The following TTN variants were observed in gnomAD, a reference collection of about 807,000 sequenced individuals.
TTN encodes the protein titin, also known as connectin.
A neutral mutation model predicts 3,223.0 loss-of-function variants in TTN; 1,525 were observed. The observed-to-expected ratio is 0.47, with a 90% CI of 0.45 to 0.49. The LOEUF (loss-of-function observed/expected upper bound fraction) is 0.49. Among genes scored for constraint, TTN ranks in the 20% least tolerant of loss-of-function variants. TTN has a pLI of 0.00. For synonymous variants in TTN, 14,094 were observed against 15,161.0 expected, an observed-to-expected ratio of 0.93 and a Z score of 5.17; for missense variants, 40,786 against 43,424.0, an observed-to-expected ratio of 0.94 and a Z score of 5.40.
At chr2:178,538,059 G>T in intron 354 of TTN, 142 bp from the exon 355 acceptor site, 1 of 814,364 alleles carries the variant, frequency 1.2e-6, no homozygotes, top group Non-Finnish European at 1.9e-6. Flanking sequence ...AAAACTCTTT[G>T]AAGTGATTTT....
At position 178,715,083 on chromosome 2, in the gene TTN, G is replaced by A. The variant is rs908525686; in HGVS notation, c.26103C>T (p.His8701=). Reference sequence around the variant, plus strand: ...TGTCTGCAGCATCGACATTCAGGATGTGGATACTGGTTAGGAAGTTCTCAG... The same window carrying A: ...TGTCTGCAGCATCGACATTCAGGATATGGATACTGGTTAGGAAGTTCTCAG... The part of the protein sequence containing the change: ...IMSENFLTSI[H]ILNVDAADIG... The change falls in exon 90 of 363, where the codon CAC becomes CAT. Residue 8701 remains histidine (H), a synonymous_variant. Coordinates refer to ENST00000589042, the MANE Select transcript of TTN (RefSeq NM_001267550.2). The A allele has an allele frequency of 3.7e-6, 6 of 1,613,734 alleles. No individual in the cohort carries two copies. Among genetic ancestry groups the A allele is most frequent in the Non-Finnish European group, 5.1e-6 (6 of 1,179,710 alleles).
intron 13 of TTN, 103 bp from the exon 14 acceptor site, chr2:178,786,244 G>C: frequency 8.4e-7 from 1 of 1,191,984 alleles, no homozygotes. Context: ...TTATACAGCA[G>C]TGTTAACGTG....
chr2:178,617,815 C>T lies in TTN; in HGVS notation c.47536G>A (p.Ala15846Thr), dbSNP rs770548430. 2 of 1,612,288 alleles carry T rather than the reference C, an allele frequency of 1.2e-6. No homozygotes were observed. The highest frequency in any genetic ancestry group is 1.7e-6 in the Non-Finnish European group (2 of 1,179,020). The change falls in exon 253 of 363, where the codon GCA becomes ACA. Residue 15846 changes from alanine to threonine, a missense_variant. Ala to Thr is a moderately conservative substitution (Grantham distance 58). Coordinates refer to ENST00000589042, the MANE Select transcript of TTN (RefSeq NM_001267550.2). ...GCAACTTTGACGAAGGGTGTGGCTG[C>T]ACTTGGTTTTCCAACTCCAATTCGA... ...QNRIGVGKPS[A>T]ATPFVKVADP...
Position 178,566,756 on chromosome 2 carries a change from A to C in TTN, c.79376T>G (p.Phe26459Cys). The C allele has an allele frequency of 2.5e-6, 4 of 1,613,390 alleles. No homozygotes were observed. Among genetic ancestry groups the C allele is most frequent in the Non-Finnish European group, 3.4e-6 (4 of 1,179,680 alleles). The change falls in exon 326 of 363, where the codon TTC (phenylalanine) becomes TGC (cysteine). Residue 26459 changes from phenylalanine (F) to cysteine (C), a missense_variant. Transcript: ENST00000589042. ...TGLTEDHEYE[F>C]RVSAENAAGV... is the part of the protein sequence containing the mutation. ...AGCAGCATTTTCTGCAGAGACCCTG[A>C]ATTCATACTCATGATCTTCTGTTAA...
intron 43 of TTN, chr2:178,760,951 G>A (rs1319685819): frequency 6.6e-6 from 1 of 151,614 alleles, no homozygotes; most frequent in African/African-American, 2.4e-5. Context: ...TTCTTCCTTT[G>A]GTGAACTGAA....
intron 132 of TTN, 58 bp from the exon 133 acceptor site, chr2:178,684,140 C>G: frequency 6.3e-7 from 1 of 1,582,730 alleles, no homozygotes; most frequent in Non-Finnish European, 8.6e-7. Flanking sequence ...CACAAAAAGG[C>G]AGCCATAAAG....
chr2:178,677,761 A>G lies in TTN; in HGVS notation c.34151T>C (p.Val11384Ala), dbSNP rs747924442. 2.5e-6 allele frequency: 4 copies of G among 1,608,720 alleles called. No individual in the cohort carries two copies. The highest frequency in any genetic ancestry group is 4.5e-5 in the East Asian group (2 of 44,770). Residue 11384 changes from valine to alanine, a missense_variant, in exon 146 of 363, where the codon GTT becomes GCT. Val to Ala is a moderately conservative substitution (Grantham distance 64, BLOSUM62 0). Coordinates refer to ENST00000589042, the MANE Select transcript of TTN (RefSeq NM_001267550.2). Reference protein sequence around the residue: ...EEEVLPEEEEVLPEEEEIPPE... With the variant: ...EEEVLPEEEEALPEEEEIPPE... ...TGGAATTTCCTCTTCTTCAGGTAGA[A>G]CTTCCTCTTCTTCAGGTAGAACTTC...
chr2:178,785,213 G>A (rs2093086185), intron 15 of TTN, among the ~76,000 whole-genome samples: 1 of 152,114 alleles, frequency 6.6e-6, no homozygotes, highest in Admixed American at 6.5e-5. Flanking sequence ...CTCAATGTCT[G>A]TCTTTATTAT....
At chr2:178,606,809 C>A (rs2054989654) in intron 278 of TTN, among the ~76,000 whole-genome samples, 1 of 151,872 alleles carries the variant, frequency 6.6e-6, no homozygotes, top group African/African-American at 2.4e-5. Flanking sequence ...AGAAACCATG[C>A]ATGATTAATA....
chr2:178,616,279 G>A (rs2057326004), intron 257 of TTN, among the ~76,000 whole-genome samples, 200 bp downstream of exon 257: 1 of 151,598 alleles, frequency 6.6e-6, no homozygotes, highest in African/African-American at 2.4e-5. Flanking sequence ...CACAAGACAA[G>A]ACAATTACAA....
intron 295 of TTN, 55 bp from the exon 296 acceptor site, chr2:178,594,701 A>T: frequency 7.3e-7 from 1 of 1,374,726 alleles, no homozygotes; most frequent in Non-Finnish European, 9.9e-7. Flanking sequence ...TTAAGAATGT[A>T]GTAGGATGTA....
Position 178,757,924 on chromosome 2 carries a change from G to C in TTN, c.10304-8C>G, listed in dbSNP as rs775830139. Reference sequence around the variant, plus strand: ...CTTCAAATTTGCTAAATCCTGAAAAGAAGCATACCAATTTTTAATGTCTTA... The same window carrying C: ...CTTCAAATTTGCTAAATCCTGAAAACAAGCATACCAATTTTTAATGTCTTA... On this transcript the variant is annotated splice_polypyrimidine_tract_variant and splice_region_variant and intron_variant, in intron 44 of 362. Transcript: ENST00000589042. The C allele has an allele frequency of 5.3e-6, 8 of 1,514,428 alleles. No individual in the cohort carries two copies. Among genetic ancestry groups the C allele is most frequent in the Non-Finnish European group, 7.1e-6 (8 of 1,133,102 alleles). The allele number at this position is 1,514,428 out of a possible 1,614,324, so 93.8% of individuals were successfully genotyped here.
In TTN at chr2:178,544,027, A is replaced by G; in HGVS notation, c.96117T>C (p.Ser32039=). 1.2e-6 allele frequency: 2 copies of G among 1,613,636 alleles called. No homozygotes were observed. The highest frequency in any genetic ancestry group is 1.7e-6 in the Non-Finnish European group (2 of 1,179,704). The change falls in exon 346 of 363, where the codon TCT becomes TCC. Residue 32039 remains serine (S), a synonymous_variant. Coordinates refer to ENST00000589042, the MANE Select transcript of TTN (RefSeq NM_001267550.2). ...ACGTTATGACAGGAGGTGGTCTTCCAGATACAGACACCATCAAGCGCAAGG... is the reference window on the plus strand; with the variant it reads ...ACGTTATGACAGGAGGTGGTCTTCCGGATACAGACACCATCAAGCGCAAGG... The part of the protein sequence containing the change: ...GASLRLMVSV[S]GRPPPVITWS...
At chr2:178,650,908 A>G (rs2062830469) in intron 208 of TTN, 74 bp from the exon 209 acceptor site, 1 of 1,462,002 alleles carries the variant, frequency 6.8e-7, no homozygotes, top group Non-Finnish European at 9.4e-7. Context: ...TCGACTTCAC[A>G]TTTTGCTCAA....
In TTN at chr2:178,734,750, A is replaced by G; in HGVS notation, c.15174T>C (p.Asn5058=). ...TACTGCAGCTATCACTGCCGACGTC[A>G]TTCACTGCTTCACATGAGTAACTCC... ...DSGSYSCEAV[N]DVGSDSCSTE... is the part of the protein sequence containing the mutation. Residue 5058 remains asparagine (N), a synonymous_variant, in exon 51 of 363, where the codon AAT becomes AAC. Coordinates refer to ENST00000589042, the MANE Select transcript of TTN (RefSeq NM_001267550.2). 9 of 1,613,198 alleles carry G rather than the reference A, an allele frequency of 5.6e-6. No individual in the cohort carries two copies. Among genetic ancestry groups the G allele is most frequent in the Non-Finnish European group, 7.6e-6 (9 of 1,179,298 alleles).
Position 178,566,166 on chromosome 2 carries a change from T to A in TTN, c.79966A>T (p.Asn26656Tyr), listed in dbSNP as rs1333413620. 2 of 1,613,700 alleles carry A rather than the reference T, an allele frequency of 1.2e-6. No homozygotes were observed. The highest frequency in any genetic ancestry group is 1.7e-6 in the Non-Finnish European group (2 of 1,179,696). The change falls in exon 326 of 363, where the codon AAT becomes TAT. Residue 26656 changes from asparagine to tyrosine, a missense_variant. Physicochemically the swap from Asn to Tyr is moderately radical, Grantham distance 143. Transcript: ENST00000589042. ...TTAAGAATGTATTTTCCAGCATCATTTCTATCACAGTTATCTATTGATAGT... is the reference window on the plus strand; with the variant it reads ...TTAAGAATGTATTTTCCAGCATCATATCTATCACAGTTATCTATTGATAGT... Reference protein sequence around the residue: ...TQLSIDNCDRNDAGKYILKLE... With the variant: ...TQLSIDNCDRYDAGKYILKLE...
At chr2:178,662,893 T>G in intron 174 of TTN, 73 bp downstream of exon 174, 2 of 1,608,946 alleles carry the variant, frequency 1.2e-6, no homozygotes, top group Non-Finnish European at 1.7e-6. Flanking sequence ...AAATACAACT[T>G]GTGAGATCGG....
Position 178,614,287 on chromosome 2 carries a change from T to C in TTN, c.49110A>G (p.Leu16370=), listed in dbSNP as rs1232235152. 6.2e-7 allele frequency: 1 copy of C among 1,612,630 alleles called. No homozygotes were observed. Among genetic ancestry groups the C allele is most frequent in the Non-Finnish European group, 8.5e-7 (1 of 1,179,258 alleles). ...CATCATCGCGTGGTGGGTTCCATGT[T>C]AGAAGACATGACTCATTGGTTACAT... The part of the protein sequence containing the change: ...ITDVTNESCL[L]TWNPPRDDGG... The change falls in exon 262 of 363, where the codon CTA becomes CTG. Residue 16370 remains leucine (L), a synonymous_variant. Transcript: ENST00000589042.
intron 294 of TTN, among the ~76,000 whole-genome samples, chr2:178,596,632 C>G (rs988831156): frequency 3.3e-5 from 5 of 152,032 alleles, no homozygotes; most frequent in Non-Finnish European, 7.4e-5. Flanking sequence ...AAGTAATAAC[C>G]ATTAGGCAAA....
Sources: gnomAD v4.1 joint callset for allele counts (sites outside exome capture counted in the v4.1 genomes callset) on GRCh38, gnomAD v4.1.1 for gene constraint, MANE v1.5 for transcripts, NCBI Gene and HGNC (gene_info 2026-07-23, HGNC 2026-07-21) for gene names.